Variants in OMA1 observed in about 807,000 individuals in gnomAD.
OMA1 encodes OMA1 zinc metallopeptidase.
In OMA1, 38 loss-of-function variants were observed where a neutral mutation model predicts 30.9. The ratio of observed to expected loss-of-function variants is 1.23; its 90% CI spans 0.95 to 1.61. OMA1 has a LOEUF of 1.61. OMA1 is among the 40% of genes most tolerant of loss of function. OMA1 has a pLI of 0.00. For missense variants in OMA1, 461 were observed against 349.2 expected, an observed-to-expected ratio of 1.32 and a Z score of -2.55; for synonymous variants, 173 against 121.9, an observed-to-expected ratio of 1.42 and a Z score of -2.76.
intron 7 of OMA1, among the ~76,000 whole-genome samples, chr1:58,506,905 C>G (rs1645998440): frequency 6.6e-6 from 1 of 151,870 alleles, no homozygotes; most frequent in African/African-American, 2.4e-5. Flanking sequence ...TACATTAGTA[C>G]TTTTTAAAAG....
At chr1:58,546,450 G>T (rs1051952345) in intron 1 of OMA1, among the ~76,000 whole-genome samples, 11 of 151,942 alleles carry the variant, frequency 7.2e-5, no homozygotes, top group African/African-American at 2.7e-4. Context: ...AAGGCTAGGG[G>T]AGAACCGGGC....
intron 8 of OMA1, among the ~76,000 whole-genome samples, chr1:58,490,795 CTTTTTTTTTTTTTTT>C (rs148145860): frequency 1.7e-4 from 10 of 59,244 alleles, no homozygotes; most frequent in African/African-American, 4.5e-4. Context: ...AGTCAACATT[CTTTTTTTTTTTTTTT>C]TTTTTTTTTT....
Position 58,527,279 on chromosome 1 carries a change from T to C in OMA1, c.1197A>G (p.Gly399=). 1 of 872,330 alleles carries C rather than the reference T, an allele frequency of 1.1e-6. No homozygotes were observed. Among genetic ancestry groups the C allele is most frequent in the Non-Finnish European group, 2.0e-6 (1 of 501,280 alleles). 54.0% of individuals were successfully genotyped at this position (872,330 alleles called of 1,614,324 possible). A position where few individuals can be genotyped will look rare whatever the true frequency, so the allele number is the denominator to read the frequency against. Residue 399 remains glycine (G), a synonymous_variant, in exon 7 of 9, where the codon GGA becomes GGG. Coordinates refer to ENST00000371226, the MANE Select transcript of OMA1 (RefSeq NM_145243.5). ...RKLEAEADKI[G]LLLAAKACAD... ...ACTTTACCTTTGCAGCAAGCAGTAGTCCAATTTTGTCAGCTTCGGCCTCCA... is the reference window on the plus strand; with the variant it reads ...ACTTTACCTTTGCAGCAAGCAGTAGCCCAATTTTGTCAGCTTCGGCCTCCA...
rs1290839084 is a variant in OMA1, at chr1:58,538,924, G to GA, written c.370_371insT (p.Pro124LeufsTer11). The GA allele has an allele frequency of 2.2e-5, 19 of 872,774 alleles. No individual in the cohort carries two copies. Among genetic ancestry groups the GA allele is most frequent in the Non-Finnish European group, 3.8e-5 (19 of 501,648 alleles). 54.1% of individuals were successfully genotyped at this position (872,774 alleles called of 1,614,324 possible). A position where few individuals can be genotyped will look rare whatever the true frequency, so the allele number is the denominator to read the frequency against. ...AGCTCTTATGGAAGCAGGGCTTAGAGGATGCAATACTGACAGACTAGGGAC... is the reference window on the plus strand; with the variant it reads ...AGCTCTTATGGAAGCAGGGCTTAGAGAGATGCAATACTGACAGACTAGGGAC... On this transcript the variant is annotated frameshift_variant, in exon 2 of 9. Transcript: ENST00000371226. LOFTEE classifies it high-confidence loss of function.
intron 8 of OMA1, among the ~76,000 whole-genome samples, chr1:58,498,454 AC>A (rs1371270310): frequency 6.6e-6 from 1 of 152,138 alleles, no homozygotes. Flanking sequence ...GCAAGCATAT[AC>A]TTTTAAGAAG....
intron 8 of OMA1, among the ~76,000 whole-genome samples, chr1:58,487,150 G>A (rs1378174306): frequency 6.6e-6 from 1 of 152,222 alleles, no homozygotes; most frequent in Admixed American, 6.5e-5. Flanking sequence ...GGGAGGAGAT[G>A]ATGGTGACTT....
In OMA1 at chr1:58,495,286, G is replaced by A. The variant is rs143178541; in HGVS notation, c.1365+10774C>T. ...GTCTGTTGTGGGGTGGGAGGAGGAGGGAGGGATAGCATTAGGAGATATACC... is the reference window on the plus strand; with the variant it reads ...GTCTGTTGTGGGGTGGGAGGAGGAGAGAGGGATAGCATTAGGAGATATACC... On this transcript the variant is annotated intron_variant, in intron 8 of 8. Coordinates refer to ENST00000371226, the MANE Select transcript of OMA1 (RefSeq NM_145243.5). Among the ~76,000 whole-genome samples the A allele has an allele frequency of 4.6e-3, 699 of 152,140 alleles. 4 individuals are homozygous for A. The highest frequency in any genetic ancestry group is 7.4e-3 in the Non-Finnish European group (502 of 67,994).
In OMA1 at chr1:58,480,775, C is replaced by G; in HGVS notation, c.*190G>C. ...ATTTTCCTCATTGAAGATATTTTAA[C>G]ATAGATTAAAATACATCAATATTTC... On this transcript the variant is annotated 3_prime_UTR_variant, in exon 9 of 9. Coordinates refer to ENST00000371226, the MANE Select transcript of OMA1 (RefSeq NM_145243.5). 2.2e-6 allele frequency: 1 copy of G among 447,266 alleles called. No individual in the cohort carries two copies. Among genetic ancestry groups the G allele is most frequent in the Non-Finnish European group, 3.9e-6 (1 of 258,732 alleles). The allele number at this position is 447,266 out of a possible 1,614,324, so 27.7% of individuals were successfully genotyped here. A position where few individuals can be genotyped will look rare whatever the true frequency, so the allele number is the denominator to read the frequency against.
At chr1:58,518,349 A>AGAAGAGAAGAGAAGAGAAGG (rs1646204912) in intron 7 of OMA1, among the ~76,000 whole-genome samples, 3 of 59,734 alleles carry the variant, frequency 5.0e-5, no homozygotes, top group African/African-American at 1.9e-4. Context: ...AGAAGAGAAG[A>AGAAGAGAAGAGAAGAGAAGG]GAAGGGAAGG....
chr1:58,486,235 G>A (rs1645573917), intron 8 of OMA1, among the ~76,000 whole-genome samples: 1 of 152,198 alleles, frequency 6.6e-6, no homozygotes, highest in African/African-American at 2.4e-5. Context: ...GCACAAGTAT[G>A]TACATCCAAC....
At position 58,545,719 on chromosome 1, in the gene OMA1, A is replaced by C. The variant is rs141157204; in HGVS notation, c.-17+984T>G. Among the ~76,000 whole-genome samples, 7 of 152,346 alleles carry C rather than the reference A, an allele frequency of 4.6e-5. No homozygotes were observed. In the South Asian group the frequency reaches 1.0e-3, roughly 23 times the overall value. On this transcript the variant is annotated intron_variant, in intron 1 of 8. Coordinates refer to ENST00000371226, the MANE Select transcript of OMA1 (RefSeq NM_145243.5). ...AGCACTCACTGGCACTCACAGCTGA[A>C]GCCTGGAAGACAGTTTTAACAACTC...
intron 7 of OMA1, among the ~76,000 whole-genome samples, chr1:58,514,204 A>G (rs1422193738): frequency 2.0e-5 from 3 of 152,206 alleles, no homozygotes; most frequent in African/African-American, 7.2e-5. Context: ...GAGAATATAA[A>G]TGTATATGAA....
intron 8 of OMA1, among the ~76,000 whole-genome samples, chr1:58,483,300 G>A (rs777952515): frequency 6.4e-4 from 97 of 152,152 alleles, no homozygotes; most frequent in East Asian, 1.9e-4. Context: ...CAGATACCCT[G>A]AGTGGGGTAT....
At chr1:58,483,891 T>C (rs1645531227) in intron 8 of OMA1, among the ~76,000 whole-genome samples, 1 of 152,226 alleles carries the variant, frequency 6.6e-6, no homozygotes, top group Non-Finnish European at 1.5e-5. Context: ...ATGGCTGCTA[T>C]ATCAGTGTAG....
intron 8 of OMA1, 102 bp downstream of exon 8, chr1:58,505,958 T>A (rs1645981914): frequency 4.7e-6 from 3 of 637,520 alleles, no homozygotes; most frequent in Non-Finnish European, 8.2e-6. Context: ...ATCAAAATAG[T>A]TAATAGGCTA....
intron 8 of OMA1, among the ~76,000 whole-genome samples, chr1:58,488,209 T>C (rs916755613): frequency 6.6e-6 from 1 of 152,216 alleles, no homozygotes; most frequent in African/African-American, 2.4e-5. Flanking sequence ...TAGATTTCTC[T>C]TTTGCTTTAC....
At chr1:58,500,924 T>C (rs533604175) in intron 8 of OMA1, among the ~76,000 whole-genome samples, 11 of 152,130 alleles carry the variant, frequency 7.2e-5, no homozygotes, top group South Asian at 2.1e-4. Context: ...AAATAAGGTG[T>C]CTCTTTCAAC....
chr1:58,487,637 G>T (rs561195017), intron 8 of OMA1, among the ~76,000 whole-genome samples: 12 of 152,054 alleles, frequency 7.9e-5, no homozygotes, highest in Non-Finnish European at 1.5e-4. Context: ...GACTCTATGG[G>T]TTCTAATAGT....
chr1:58,546,167 C>T (rs1243170422), intron 1 of OMA1, among the ~76,000 whole-genome samples: 2 of 152,236 alleles, frequency 1.3e-5, no homozygotes, highest in Non-Finnish European at 2.9e-5. Context: ...ACTGCTTAGA[C>T]GGGGAATGTT....
Sources: gnomAD v4.1 joint callset for allele counts (sites outside exome capture counted in the v4.1 genomes callset) on GRCh38, gnomAD v4.1.1 for gene constraint, MANE v1.5 for transcripts, NCBI Gene and HGNC (gene_info 2026-07-23, HGNC 2026-07-21) for gene names.